UBAP2: variants seen among roughly 807,000 people sequenced by gnomAD.
UBAP2 encodes the protein ubiquitin-associated protein 2.
Under a neutral mutation model 139.6 loss-of-function variants are expected in UBAP2, and 75 were observed. The ratio of observed to expected loss-of-function variants is 0.54; its 90% confidence interval spans 0.45 to 0.65. The LOEUF is 0.65. Ranked by LOEUF, UBAP2 falls within the 30% of genes least tolerant of loss-of-function variation. UBAP2 has a pLI of 0.00. For missense variants in UBAP2, 1,368 were observed against 1,369.6 expected, an observed-to-expected ratio of 1.00 and a Z score of 0.02; for synonymous variants, 526 against 526.2, an observed-to-expected ratio of 1.00 and a Z score of 0.01.
At chr9:33,996,116 T>C in intron 4 of UBAP2, 107 bp downstream of exon 4, 1 of 752,558 alleles carries the variant, frequency 1.3e-6, no homozygotes, top group Non-Finnish European at 2.2e-6. Flanking sequence ...AAATATGGAA[T>C]GGCACCATAA....
Position 33,922,824 on chromosome 9 carries a change from A to G in UBAP2, c.3127T>C (p.Ser1043Pro). The G allele has an allele frequency of 6.4e-7, 1 of 1,574,648 alleles. No homozygotes were observed. Among genetic ancestry groups the G allele is most frequent in the Non-Finnish European group, 8.6e-7 (1 of 1,158,870 alleles). Reference protein sequence around the residue: ...AGTPPPFSLPSVLGSTGPLAS... With the variant: ...AGTPPPFSLPPVLGSTGPLAS... ...AGGGGCCCAGTGGAGCCCAAGACCG[A>G]GGGCAGGCTGAAAGGTGGAGGCGTC... The change falls in exon 28 of 29, where the codon TCG becomes CCG. Residue 1043 changes from serine to proline, a missense_variant. By Grantham distance (74) the Ser-to-Pro change is moderately conservative (BLOSUM62 -1). Transcript: ENST00000379238.
At chr9:33,945,655 T>C (rs531421921) in intron 13 of UBAP2, among the ~76,000 whole-genome samples, 5 of 152,292 alleles carry the variant, frequency 3.3e-5, no homozygotes, top group African/African-American at 1.2e-4. Context: ...ACAATATATA[T>C]AGACAGACAG....
At chr9:33,933,168 T>C (rs578089062) in intron 18 of UBAP2, among the ~76,000 whole-genome samples, 2 of 152,286 alleles carry the variant, frequency 1.3e-5, no homozygotes, top group South Asian at 2.1e-4. Flanking sequence ...CTCAGTGACA[T>C]GGGCCCAGCG....
chr9:33,977,664 A>C (rs1820271827), intron 6 of UBAP2, among the ~76,000 whole-genome samples: 1 of 151,126 alleles, frequency 6.6e-6, no homozygotes, highest in African/African-American at 2.4e-5. Context: ...TGATTGTTCA[A>C]GGTTTTTTTA....
Position 34,014,850 on chromosome 9 carries a change from C to T in UBAP2, c.99+2200G>A, listed in dbSNP as rs977027463. Among the ~76,000 whole-genome samples the T allele has an allele frequency of 3.9e-5, 6 of 151,990 alleles. No homozygotes were observed. In the East Asian group the frequency reaches 9.7e-4, roughly 25 times the overall value. Reference sequence around the variant, plus strand: ...TTCAACTATAAAAGGAGGACCTAGCCTAAAACCTCCAAATTTTTCCATCAC... The same window carrying T: ...TTCAACTATAAAAGGAGGACCTAGCTTAAAACCTCCAAATTTTTCCATCAC... On this transcript the variant is annotated intron_variant, in intron 2 of 28. Coordinates refer to ENST00000379238, the MANE Select transcript of UBAP2 (RefSeq NM_001370062.2).
rs760806314 is a variant in UBAP2, at chr9:33,927,028, C to A, written c.2424G>T (p.Gln808His). Residue 808 changes from glutamine to histidine, a missense_variant, in exon 21 of 29, where the codon CAG becomes CAT. Physicochemically the swap from Gln to His is conservative, Grantham distance 24 (BLOSUM62 0). Coordinates refer to ENST00000379238, the MANE Select transcript of UBAP2 (RefSeq NM_001370062.2). ...GCAGTCCTCCGGGACCTACGAGGTA[C>A]TGGTTGTGCAGCAGGGGAGGCACCC... ...PQGVPPLLHN[Q>H]YLVGPGGLLP... 1.4e-5 allele frequency: 23 copies of A among 1,614,092 alleles called. No homozygotes were observed. Among genetic ancestry groups the A allele is most frequent in the Non-Finnish European group, 1.9e-5 (22 of 1,179,996 alleles).
At position 33,923,675 on chromosome 9, in the gene UBAP2, A is replaced by G; in HGVS notation, c.2796+120T>C. The G allele has an allele frequency of 3.4e-6, 4 of 1,166,616 alleles. No individual in the cohort carries two copies. In the South Asian group the frequency reaches 5.4e-5, roughly 16 times the overall value. 72.3% of individuals were successfully genotyped at this position (1,166,616 alleles called of 1,614,324 possible). A position where few individuals can be genotyped will look rare whatever the true frequency, so the allele number is the denominator to read the frequency against. The stretch of plus-strand genomic sequence containing the variant: ...TGTCCCCAGCCTGAACAGTTTCTGA[A>G]GACCAGGTAAGACGGAGTGGAATCA... On this transcript the variant is annotated intron_variant, in intron 24 of 28. Transcript: ENST00000379238.
At chr9:34,013,830 A>AC (rs923735855) in intron 2 of UBAP2, among the ~76,000 whole-genome samples, 1 of 150,860 alleles carries the variant, frequency 6.6e-6, no homozygotes, top group African/African-American at 2.4e-5. Context: ...TGAGCTGAGA[A>AC]CGCGCCACTG....
At chr9:33,963,222 T>C (rs1827204832) in intron 9 of UBAP2, among the ~76,000 whole-genome samples, 1 of 152,056 alleles carries the variant, frequency 6.6e-6, no homozygotes, top group Non-Finnish European at 1.5e-5. Context: ...CAGGGGAAAC[T>C]CCCATGTGAG....
At chr9:33,936,952 A>C (rs1199687149) in intron 16 of UBAP2, among the ~76,000 whole-genome samples, 10 of 127,742 alleles carry the variant, frequency 7.8e-5, no homozygotes, top group East Asian at 4.3e-4. Flanking sequence ...AAAAAAAAAA[A>C]CAGTCTGAAT....
intron 1 of UBAP2, among the ~76,000 whole-genome samples, chr9:34,030,113 C>G (rs528968979): frequency 6.6e-6 from 1 of 151,786 alleles, no homozygotes; most frequent in East Asian, 1.9e-4. Flanking sequence ...CCAGCCTGGG[C>G]AACATAGAGA....
At chr9:33,930,293 G>A (rs1823855470) in intron 19 of UBAP2, among the ~76,000 whole-genome samples, 1 of 152,106 alleles carries the variant, frequency 6.6e-6, no homozygotes, top group Admixed American at 6.6e-5. Flanking sequence ...ATGCCTTGCT[G>A]TTCCACATCA....
Position 33,922,294 on chromosome 9 carries a change from C to T in UBAP2, c.*210G>A. 1 of 573,166 alleles carries T rather than the reference C, an allele frequency of 1.7e-6. No individual in the cohort carries two copies. The highest frequency in any genetic ancestry group is 3.1e-6 in the Non-Finnish European group (1 of 324,142). 35.5% of individuals were successfully genotyped at this position (573,166 alleles called of 1,614,324 possible). On this transcript the variant is annotated 3_prime_UTR_variant, in exon 29 of 29. Transcript: ENST00000379238. ...CCTGGCTAACATCTGCCGCCATCCC[C>T]CAACTCCCCCCCAGACTTCTATCAC...
intron 1 of UBAP2, among the ~76,000 whole-genome samples, chr9:34,045,531 A>C (rs1223326910): frequency 6.6e-6 from 1 of 151,788 alleles, no homozygotes; most frequent in Non-Finnish European, 1.5e-5. Flanking sequence ...GCGCCACCAC[A>C]CCAGGCTCAT....
chr9:34,044,396 G>A (rs1047857066), intron 1 of UBAP2, among the ~76,000 whole-genome samples: 13 of 148,326 alleles, frequency 8.8e-5, no homozygotes, highest in Admixed American at 1.3e-4. Flanking sequence ...GCAAGACTCT[G>A]TCTCGAAAAA....
At chr9:34,003,055 C>T (rs1334513684) in intron 2 of UBAP2, among the ~76,000 whole-genome samples, 2 of 123,396 alleles carry the variant, frequency 1.6e-5, no homozygotes, top group Admixed American at 9.8e-5. Context: ...TCTTTTCTTT[C>T]GTTGTTTTTT....
intron 3 of UBAP2, chr9:33,997,872 T>A (rs558010984): frequency 6.6e-6 from 1 of 152,170 alleles, no homozygotes. Context: ...CAAGATTTCA[T>A]TGTGAGACCT....
intron 1 of UBAP2, among the ~76,000 whole-genome samples, chr9:34,036,881 G>A (rs534899546): frequency 1.3e-5 from 2 of 148,232 alleles, no homozygotes; most frequent in Non-Finnish European, 3.0e-5. Flanking sequence ...GCGATCTCAG[G>A]TACCTCACTG....
At chr9:34,030,357 G>A (rs1263593302) in intron 1 of UBAP2, among the ~76,000 whole-genome samples, 1 of 151,984 alleles carries the variant, frequency 6.6e-6, no homozygotes, top group African/African-American at 2.4e-5. Context: ...GCTGAGGCAG[G>A]AGAATGGCGT....
Sources: gnomAD v4.1 joint callset for allele counts (sites outside exome capture counted in the v4.1 genomes callset) on GRCh38, gnomAD v4.1.1 for gene constraint, MANE v1.5 for transcripts, NCBI Gene and HGNC (gene_info 2026-07-23, HGNC 2026-07-21) for gene names.